KCNH5: variants seen among roughly 807,000 people sequenced by gnomAD.
KCNH5 encodes the protein potassium voltage-gated channel subfamily H member 5, also known as voltage-gated delayed rectifier potassium channel KCNH5.
Under a neutral mutation model 96.1 loss-of-function variants are expected in KCNH5, and 46 were observed. The ratio of observed to expected loss-of-function variants is 0.48; its 90% CI spans 0.38 to 0.61. The LOEUF (loss-of-function observed/expected upper bound fraction) is 0.61. KCNH5 is among the 20% of genes least tolerant of loss of function. The pLI is 0.00. For missense variants in KCNH5, 907 were observed against 1,225.8 expected (o/e 0.74, Z 3.88); for synonymous variants, 439 against 449.8 (o/e 0.98, Z 0.30).
At chr14:62,899,695 G>C (rs1218201782) in intron 7 of KCNH5, among the ~76,000 whole-genome samples, 5 of 150,836 alleles carry the variant, frequency 3.3e-5, no homozygotes, top group African/African-American at 1.2e-4. Context: ...TTAGCCGGGC[G>C]TAGTGGCGGG....
intron 10 of KCNH5, among the ~76,000 whole-genome samples, chr14:62,733,578 G>T (rs2139926941): frequency 6.6e-6 from 1 of 152,174 alleles, no homozygotes; most frequent in South Asian, 2.1e-4. Context: ...TACTCATGCT[G>T]TTTGGGCAGC....
intron 10 of KCNH5, among the ~76,000 whole-genome samples, chr14:62,756,300 G>A (rs1885622632): frequency 6.6e-6 from 1 of 151,932 alleles, no homozygotes; most frequent in African/African-American, 2.4e-5. Flanking sequence ...AAACTACAGA[G>A]GACAGAGAAA....
At chr14:62,810,789 G>T (rs746285082) in intron 8 of KCNH5, among the ~76,000 whole-genome samples, 1 of 152,132 alleles carries the variant, frequency 6.6e-6, no homozygotes, top group Non-Finnish European at 1.5e-5. Context: ...GCTGCTTTGT[G>T]TATGGAGTAG....
rs17100382 is a variant in KCNH5 at position 62,785,433 on chromosome 14, C to T, written c.1823-5509G>A. ...TGCACACTTTCAGGGCTGGGAACTC[C>T]GGTTCATCTACTTGACTACAGAACA... On this transcript the variant is annotated intron_variant, in intron 9 of 10. Transcript: ENST00000322893. 2.9e-3 allele frequency among the ~76,000 whole-genome samples: 448 copies of T among 152,270 alleles called. 4 individuals carry two copies. The highest frequency in any genetic ancestry group is 0.01 in the African/African-American group (424 of 41,562).
chr14:62,842,022 G>A (rs947206626), intron 8 of KCNH5, among the ~76,000 whole-genome samples: 13 of 152,152 alleles, frequency 8.5e-5, no homozygotes, highest in African/African-American at 2.9e-4. Flanking sequence ...ACACTATTAC[G>A]CTAAATTTCA....
intron 10 of KCNH5, among the ~76,000 whole-genome samples, chr14:62,713,749 A>C (rs528693270): frequency 5.3e-5 from 8 of 152,350 alleles, no homozygotes; most frequent in African/African-American, 1.9e-4. Context: ...AATATAACAA[A>C]TAAAAAGATA....
At chr14:62,984,208 T>C (rs745354716) in intron 5 of KCNH5, among the ~76,000 whole-genome samples, 7 of 152,146 alleles carry the variant, frequency 4.6e-5, no homozygotes, top group Non-Finnish European at 1.0e-4. Context: ...TACAGACACA[T>C]TCTTCCTCTC....
intron 7 of KCNH5, among the ~76,000 whole-genome samples, chr14:62,923,460 G>T (rs1161477818): frequency 2.6e-5 from 4 of 151,814 alleles, no homozygotes; most frequent in Middle Eastern, 3.2e-3. Context: ...CAGAAAAATA[G>T]AAAAACAATT....
chr14:62,913,447 C>T (rs965691955), intron 7 of KCNH5, among the ~76,000 whole-genome samples: 1 of 152,104 alleles, frequency 6.6e-6, no homozygotes, highest in Admixed American at 6.5e-5. Flanking sequence ...AGGCTGGTCT[C>T]AAACTCCTGA....
chr14:62,745,569 C>T (rs2139939164), intron 10 of KCNH5, among the ~76,000 whole-genome samples: 1 of 152,230 alleles, frequency 6.6e-6, no homozygotes, highest in Middle Eastern at 3.4e-3. Context: ...GGAATAAGGA[C>T]TTTGGTCAGA....
intron 5 of KCNH5, among the ~76,000 whole-genome samples, chr14:62,983,957 T>C (rs1278227341): frequency 6.6e-6 from 1 of 151,714 alleles, no homozygotes; most frequent in Non-Finnish European, 1.5e-5. Flanking sequence ...GAGGAAAGGG[T>C]AGAGGAGGAC....
intron 10 of KCNH5, among the ~76,000 whole-genome samples, chr14:62,729,307 G>A (rs1052812368): frequency 6.6e-6 from 1 of 152,128 alleles, no homozygotes; most frequent in Non-Finnish European, 1.5e-5. Flanking sequence ...TCCATATAAT[G>A]TATCATCTAA....
Position 62,969,481 on chromosome 14 carries a change from A to C in KCNH5, c.942+11391T>G, listed in dbSNP as rs74626149. Among the ~76,000 whole-genome samples, 897 of 152,300 alleles carry C rather than the reference A, an allele frequency of 5.9e-3. 6 individuals carry two copies. Among genetic ancestry groups the C allele is most frequent in the Middle Eastern group, 0.034 (10 of 294 alleles). On this transcript the variant is annotated intron_variant, in intron 6 of 10. Coordinates refer to ENST00000322893, the MANE Select transcript of KCNH5 (RefSeq NM_139318.5). Reference sequence around the variant, plus strand: ...AAAGCTAATTCTTTGAAAAGATTTTAAAAATCAGAAAACCAAACACCACAT... The same window carrying C: ...AAAGCTAATTCTTTGAAAAGATTTTCAAAATCAGAAAACCAAACACCACAT...
chr14:63,015,602 T>C (rs1891311529), intron 2 of KCNH5, among the ~76,000 whole-genome samples: 1 of 151,978 alleles, frequency 6.6e-6, no homozygotes, highest in South Asian at 2.1e-4. Flanking sequence ...ATTGATTAAT[T>C]CACAGATATA....
chr14:63,004,744 A>G (rs559682543), intron 3 of KCNH5, among the ~76,000 whole-genome samples: 2 of 152,262 alleles, frequency 1.3e-5, no homozygotes, highest in South Asian at 4.1e-4. Flanking sequence ...AGCTGGGACT[A>G]TAGGCATGTG....
chr14:62,943,781 A>C (rs1265796834), intron 7 of KCNH5, among the ~76,000 whole-genome samples: 1 of 152,150 alleles, frequency 6.6e-6, no homozygotes. Context: ...GAGGTCACTC[A>C]AGGCAGACAG....
chr14:62,918,010 G>A (rs1408412177), intron 7 of KCNH5, among the ~76,000 whole-genome samples: 1 of 152,038 alleles, frequency 6.6e-6, no homozygotes, highest in African/African-American at 2.4e-5. Context: ...AAGGATCCTG[G>A]TATAGAGTCA....
intron 9 of KCNH5, among the ~76,000 whole-genome samples, chr14:62,796,191 C>T (rs1046631608): frequency 5.9e-5 from 9 of 152,052 alleles, no homozygotes; most frequent in Admixed American, 1.3e-4. Context: ...GTGGTGGCAG[C>T]GAAACATTGA....
chr14:62,904,968 A>G (rs1200226545), intron 7 of KCNH5, among the ~76,000 whole-genome samples: 2 of 152,230 alleles, frequency 1.3e-5, no homozygotes. Context: ...ACTCATTTAT[A>G]AAATTCAAAA....
Sources: allele counts gnomAD v4.1 joint callset (sites outside exome capture counted in the v4.1 genomes callset), GRCh38; gene constraint gnomAD v4.1.1; transcripts MANE v1.5; gene names NCBI Gene and HGNC (gene_info 2026-07-23, HGNC 2026-07-21).